Variants in HESX1 observed in about 807,000 individuals in gnomAD.
HESX1 encodes the protein homeobox expressed in ES cells 1.
HESX1 carries 11 observed loss-of-function variants against 22.5 expected under a neutral mutation model. That is an observed-to-expected ratio of 0.49 (90% confidence interval 0.31 to 0.81). The LOEUF is 0.81. HESX1 is among the 30% of genes least tolerant of loss of function. HESX1 has a pLI of 0.05. For synonymous variants in HESX1, 74 were observed against 76.5 expected, an observed-to-expected ratio of 0.97 and a Z score of 0.17; for missense variants, 201 against 212.6, an observed-to-expected ratio of 0.95 and a Z score of 0.34.
chr3:57,201,291 A>G (rs1487719326), upstream of HESX1, among the ~76,000 whole-genome samples: 1 of 152,224 alleles, frequency 6.6e-6, no homozygotes, highest in Non-Finnish European at 1.5e-5. Flanking sequence ...ATGTACGTGT[A>G]AAACCATTCT....
intron 1 of HESX1, among the ~76,000 whole-genome samples, chr3:57,213,770 C>T (rs2060569375): frequency 6.6e-6 from 1 of 152,060 alleles, no homozygotes; most frequent in Non-Finnish European, 1.5e-5. Flanking sequence ...ACTAAAAATA[C>T]AAAACTTAGC....
At chr3:57,206,998 A>C (rs1693797966) in intron 1 of HESX1, among the ~76,000 whole-genome samples, 1 of 151,982 alleles carries the variant, frequency 6.6e-6, no homozygotes, top group Non-Finnish European at 1.5e-5. Context: ...CCCAGGCTGG[A>C]GTGCAGTGGC....
intron 1 of HESX1, among the ~76,000 whole-genome samples, chr3:57,218,038 T>C (rs1446478108): frequency 6.6e-6 from 1 of 152,202 alleles, no homozygotes; most frequent in African/African-American, 2.4e-5. Context: ...CTGCACCTAA[T>C]GGCTTTAAGG....
chr3:57,204,164 G>A (rs2060506412), upstream of HESX1, among the ~76,000 whole-genome samples: 1 of 152,170 alleles, frequency 6.6e-6, no homozygotes, highest in Non-Finnish European at 1.5e-5. Flanking sequence ...AGCCACTGAA[G>A]TTTTTTCTTT....
chr3:57,225,881 CTTTTTTTTTT>C (rs540522007), intron 1 of HESX1, among the ~76,000 whole-genome samples: 4 of 132,122 alleles, frequency 3.0e-5, no homozygotes, highest in Non-Finnish European at 6.4e-5. Flanking sequence ...CTTTTCTTTT[CTTTTTTTTTT>C]TTTTTTTGAT....
At chr3:57,209,062 T>C (rs1305526270) in intron 1 of HESX1, among the ~76,000 whole-genome samples, 1 of 152,182 alleles carries the variant, frequency 6.6e-6, no homozygotes, top group East Asian at 1.9e-4. Context: ...TAATTCTGGA[T>C]GATTAGAACT....
At chr3:57,202,295 G>A (rs2107569246), upstream of HESX1, among the ~76,000 whole-genome samples, 1 of 151,948 alleles carries the variant, frequency 6.6e-6, no homozygotes, top group South Asian at 2.1e-4. Flanking sequence ...AAAATGTGAG[G>A]GAAGCATTTT....
In HESX1 at chr3:57,205,639, C is replaced by T. The variant is rs74826443; in HGVS notation, c.-110-5611G>A. Among the ~76,000 whole-genome samples the T allele has an allele frequency of 7.6e-3, 1,155 of 151,902 alleles. 15 individuals are homozygous for T. The highest frequency in any genetic ancestry group is 0.026 in the African/African-American group (1,074 of 41,196). ...TGTCACCATCTGTAATGTTCCTCCC[C>T]TGTGAATCCCCACAGCTTACCCATT... On this transcript the variant is annotated intron_variant, in intron 1 of 2. Coordinates refer to the HESX1 transcript ENST00000495160.
Position 57,199,961 on chromosome 3 carries a change from G to C in HESX1, c.-43C>G. Reference sequence around the variant, plus strand: ...AGAGCAACAGCTCTGGCCTCTGCTGGCTCTGCCCCACGTGTATAGGGCTGG... The same window carrying C: ...AGAGCAACAGCTCTGGCCTCTGCTGCCTCTGCCCCACGTGTATAGGGCTGG... On this transcript the variant is annotated 5_prime_UTR_variant, in exon 1 of 4. Coordinates refer to ENST00000295934, the MANE Select transcript of HESX1 (RefSeq NM_003865.3). 1.3e-6 allele frequency: 2 copies of C among 1,596,050 alleles called. No homozygotes were observed. Among genetic ancestry groups the C allele is most frequent in the Non-Finnish European group, 1.7e-6 (2 of 1,164,520 alleles).
chr3:57,207,378 A>T (rs2060525714), intron 1 of HESX1, among the ~76,000 whole-genome samples: 1 of 152,198 alleles, frequency 6.6e-6, no homozygotes, highest in Admixed American at 6.5e-5. Context: ...AGGCCCAGCT[A>T]TTAAAAGGTG....
upstream of HESX1, among the ~76,000 whole-genome samples, chr3:57,200,828 G>T (rs986000551): frequency 6.6e-6 from 1 of 152,170 alleles, no homozygotes; most frequent in African/African-American, 2.4e-5. Flanking sequence ...TTGATCTTTT[G>T]AGGGATGGGC....
chr3:57,199,142 C>G (rs1344340184), intron 1 of HESX1, among the ~76,000 whole-genome samples, 190 bp from the exon 2 acceptor site: 1 of 152,156 alleles, frequency 6.6e-6, no homozygotes, highest in African/African-American at 2.4e-5. Context: ...CCTCTTTGGT[C>G]TCTGAATGTC....
At chr3:57,215,682 G>A (rs1372959160) in intron 1 of HESX1, among the ~76,000 whole-genome samples, 4 of 152,034 alleles carry the variant, frequency 2.6e-5, no homozygotes, top group East Asian at 1.9e-4. Context: ...CAGGAGAATC[G>A]CTTGAACCCG....
chr3:57,214,950 T>C (rs1207512812), intron 1 of HESX1, among the ~76,000 whole-genome samples: 1 of 152,154 alleles, frequency 6.6e-6, no homozygotes, highest in African/African-American at 2.4e-5. Flanking sequence ...GTATTTCTAA[T>C]TATATACACA....
intron 1 of HESX1, among the ~76,000 whole-genome samples, chr3:57,206,854 AGCC>A (rs995479945): frequency 6.6e-6 from 1 of 152,252 alleles, no homozygotes; most frequent in African/African-American, 2.4e-5. Context: ...ATCTGAGGCC[AGCC>A]ACCTCATGAG....
chr3:57,225,809 T>G (rs1215410969), intron 1 of HESX1, among the ~76,000 whole-genome samples: 4 of 151,938 alleles, frequency 2.6e-5, no homozygotes, highest in African/African-American at 7.3e-5. Context: ...TTCAGATAAC[T>G]AATCGAATTT....
chr3:57,211,049 A>C, intron 1 of HESX1, among the ~76,000 whole-genome samples: 1 of 151,554 alleles, frequency 6.6e-6, no homozygotes, highest in Non-Finnish European at 1.5e-5. Flanking sequence ...AGAAACCCCA[A>C]CTCTACTAAA....
At chr3:57,221,038 G>A (rs2060613273) in intron 1 of HESX1, among the ~76,000 whole-genome samples, 1 of 152,094 alleles carries the variant, frequency 6.6e-6, no homozygotes, top group Non-Finnish European at 1.5e-5. Context: ...TTGCTCCCTA[G>A]ATATCCCCAT....
At position 57,208,630 on chromosome 3, in the gene HESX1, G is replaced by A. The variant is rs546933320; in HGVS notation, c.-110-8602C>T. ...CTCCCAAAGTGCTGAGATTACAGGC[G>A]TGAGCCACGGTGCCCGGACTTGTTT... On this transcript the variant is annotated intron_variant, in intron 1 of 2. Coordinates refer to the HESX1 transcript ENST00000495160. Among the ~76,000 whole-genome samples, 25 of 149,752 alleles carry A rather than the reference G, an allele frequency of 1.7e-4. No homozygotes were observed. The East Asian group carries it at 3.7e-3, about 22-fold the overall frequency.
Sources: allele counts gnomAD v4.1 joint callset (sites outside exome capture counted in the v4.1 genomes callset), GRCh38; gene constraint gnomAD v4.1.1; transcripts MANE v1.5; gene names NCBI Gene and HGNC (gene_info 2026-07-23, HGNC 2026-07-21).